The following TPRG1 variants were observed in gnomAD, a reference collection of about 807,000 sequenced individuals.
TPRG1 encodes tumor protein p63-regulated gene 1 protein.
A neutral mutation model predicts 29.3 loss-of-function variants in TPRG1; 29 were observed. The observed-to-expected ratio is 0.99, with a 90% CI of 0.74 to 1.35. The LOEUF (loss-of-function observed/expected upper bound fraction) is 1.35, where lower values mean the gene tolerates loss of function less well. TPRG1 is among the 40% of genes most tolerant of loss of function. The pLI, the probability that TPRG1 is intolerant of heterozygous loss-of-function variation, is 0.00. For missense variants in TPRG1, 327 were observed against 335.0 expected, an observed-to-expected ratio of 0.98 and a Z score of 0.19; for synonymous variants, 130 against 116.8, an observed-to-expected ratio of 1.11 and a Z score of -0.73.
intron 1 of TPRG1, among the ~76,000 whole-genome samples, chr3:189,206,047 T>TTCCTTCCTTCCTTCCTTC (rs1216401377): frequency 1.9e-5 from 1 of 53,696 alleles, no homozygotes; most frequent in Non-Finnish European, 3.4e-5. Context: ...TTCCTTCCTT[T>TTCCTTCCTTCCTTCCTTC]CTTCTGTCTT....
chr3:189,082,893 A>C (rs1717694888), intron 4 of TPRG1, among the ~76,000 whole-genome samples: 1 of 152,148 alleles, frequency 6.6e-6, no homozygotes, highest in Non-Finnish European at 1.5e-5. Flanking sequence ...CACACAGCAG[A>C]TATTTCCCTG....
intron 4 of TPRG1, among the ~76,000 whole-genome samples, chr3:189,074,603 C>A (rs1275037775): frequency 6.6e-6 from 1 of 152,056 alleles, no homozygotes; most frequent in Non-Finnish European, 1.5e-5. Context: ...CTTAATCATT[C>A]TTTCATGTTT....
At chr3:189,040,787 T>C (rs1714584446) in intron 4 of TPRG1, among the ~76,000 whole-genome samples, 2 of 152,182 alleles carry the variant, frequency 1.3e-5, no homozygotes, top group Non-Finnish European at 2.9e-5. Context: ...TCTTTCCCCA[T>C]GATTTGGGCA....
At chr3:189,057,668 T>A (rs531707908) in intron 4 of TPRG1, among the ~76,000 whole-genome samples, 5 of 150,630 alleles carry the variant, frequency 3.3e-5, no homozygotes, top group Non-Finnish European at 7.4e-5. Flanking sequence ...ACACCAGAAG[T>A]AAATGACTCA....
At chr3:189,193,678 G>A (rs1447654644) in intron 1 of TPRG1, among the ~76,000 whole-genome samples, 2 of 148,656 alleles carry the variant, frequency 1.3e-5, no homozygotes, top group Non-Finnish European at 3.0e-5. Context: ...AGATTCTTCT[G>A]CTAGATCAAG....
chr3:189,187,004 T>TTTTTC (rs1560527111), intron 1 of TPRG1, among the ~76,000 whole-genome samples: 1 of 148,728 alleles, frequency 6.7e-6, no homozygotes, highest in African/African-American at 2.5e-5. Context: ...TTTTTTTTTT[T>TTTTTC]TTGAGATGGA....
chr3:189,316,420 G>A (rs1258438470), intron 5 of TPRG1, among the ~76,000 whole-genome samples: 1 of 152,170 alleles, frequency 6.6e-6, no homozygotes, highest in Non-Finnish European at 1.5e-5. Context: ...CATACACAGG[G>A]AGGCTGAAAC....
At chr3:189,245,738 A>G (rs1741284616) in intron 4 of TPRG1, among the ~76,000 whole-genome samples, 1 of 152,010 alleles carries the variant, frequency 6.6e-6, no homozygotes, top group East Asian at 1.9e-4. Context: ...TTTTTTGTGT[A>G]GTTTTTTAAT....
intron 1 of TPRG1, among the ~76,000 whole-genome samples, chr3:189,190,238 C>T (rs902161871): frequency 6.6e-6 from 1 of 152,154 alleles, no homozygotes; most frequent in Non-Finnish European, 1.5e-5. Flanking sequence ...ATTATATAAG[C>T]CACAGATGTT....
intron 1 of TPRG1, among the ~76,000 whole-genome samples, chr3:189,119,200 G>T (rs573060803): frequency 7.1e-4 from 108 of 152,326 alleles, no homozygotes; most frequent in African/African-American, 2.4e-3. Context: ...TTTAATGACT[G>T]CCCTGTGGAG....
intron 4 of TPRG1, among the ~76,000 whole-genome samples, chr3:189,054,607 A>G (rs1715537297): frequency 6.6e-6 from 1 of 152,008 alleles, no homozygotes; most frequent in Non-Finnish European, 1.5e-5. Flanking sequence ...ATGTCTACAC[A>G]CACACACCCA....
At chr3:189,194,463 C>T (rs1222308790) in intron 1 of TPRG1, among the ~76,000 whole-genome samples, 1 of 152,152 alleles carries the variant, frequency 6.6e-6, no homozygotes, top group Non-Finnish European at 1.5e-5. Flanking sequence ...ATTGTGACAC[C>T]TAGGTCTTTG....
At chr3:189,239,318 T>C (rs1407170291) in intron 4 of TPRG1, among the ~76,000 whole-genome samples, 1 of 152,066 alleles carries the variant, frequency 6.6e-6, no homozygotes, top group Non-Finnish European at 1.5e-5. Flanking sequence ...TTATTCACTA[T>C]CAAGAGACTG....
intron 4 of TPRG1, among the ~76,000 whole-genome samples, chr3:189,299,290 C>A (rs530949942): frequency 6.6e-6 from 1 of 152,066 alleles, no homozygotes; most frequent in South Asian, 2.1e-4. Context: ...GAAGCTCTTT[C>A]CTCTGTCTAC....
At chr3:189,024,841 A>G (rs1354656450) in intron 4 of TPRG1, among the ~76,000 whole-genome samples, 1 of 152,130 alleles carries the variant, frequency 6.6e-6, no homozygotes, top group African/African-American at 2.4e-5. Context: ...GTGTTTGGGG[A>G]TCCCTTTCTC....
Position 189,198,134 on chromosome 3 carries a change from C to T in TPRG1, c.-9-9242C>T, listed in dbSNP as rs1010603092. ...TCAAGGGATTGGGTTTGGGGGTGGG[C>T]GGCTGACATCTCAATTGCACACACC... On this transcript the variant is annotated intron_variant, in intron 1 of 5. Transcript: ENST00000345063. Among the ~76,000 whole-genome samples the T allele has an allele frequency of 7.2e-5, 11 of 152,230 alleles. No homozygotes were observed. In the South Asian group the frequency reaches 8.3e-4, roughly 11 times the overall value.
intron 4 of TPRG1, among the ~76,000 whole-genome samples, chr3:189,287,920 G>GATGAA (rs1718342135): frequency 6.6e-6 from 1 of 152,084 alleles, no homozygotes; most frequent in Non-Finnish European, 1.5e-5. Context: ...AGTTCATAAT[G>GATGAA]ATGAAATGAC....
chr3:189,206,472 TA>T (rs1225820568), intron 1 of TPRG1, among the ~76,000 whole-genome samples: 3 of 151,748 alleles, frequency 2.0e-5, no homozygotes, highest in African/African-American at 7.3e-5. Context: ...TATATTTTTC[TA>T]TTAGATGCGG....
chr3:189,027,940 G>A (rs756349725), intron 4 of TPRG1, among the ~76,000 whole-genome samples: 5 of 151,750 alleles, frequency 3.3e-5, no homozygotes, highest in African/African-American at 7.3e-5. Flanking sequence ...ATTTTTTTTC[G>A]TTCCCTCATT....
Sources: gnomAD v4.1 joint callset for allele counts (sites outside exome capture counted in the v4.1 genomes callset) on GRCh38, gnomAD v4.1.1 for gene constraint, MANE v1.5 for transcripts, NCBI Gene and HGNC (gene_info 2026-07-23, HGNC 2026-07-21) for gene names.